SORBS2: variants seen among roughly 807,000 people sequenced by gnomAD.
The protein encoded by SORBS2 is sorbin and SH3 domain-containing protein 2.
SORBS2 carries 46 observed loss-of-function variants against 97.7 expected under a neutral mutation model. That is an observed-to-expected ratio of 0.47 (90% confidence interval 0.37 to 0.60). The LOEUF (loss-of-function observed/expected upper bound fraction) is 0.60. SORBS2 is among the 20% of genes least tolerant of loss of function. The pLI is 0.00. For missense variants in SORBS2, 1,316 were observed against 1,282.3 expected (o/e 1.03, Z -0.40); for synonymous variants, 476 against 473.4 (o/e 1.01, Z -0.07).
chr4:185,639,877 C>T (rs1458681424), intron 4 of SORBS2, among the ~76,000 whole-genome samples: 1 of 152,088 alleles, frequency 6.6e-6, no homozygotes, highest in East Asian at 1.9e-4. Flanking sequence ...AACTGAATAG[C>T]GACATCTTGG....
At chr4:185,671,864 G>A (rs777018295) in intron 4 of SORBS2, among the ~76,000 whole-genome samples, 2 of 152,232 alleles carry the variant, frequency 1.3e-5, no homozygotes, top group African/African-American at 4.8e-5. Flanking sequence ...TTCATTAAGT[G>A]TATTCAGAAA....
chr4:185,668,018 G>A (rs114760702), intron 4 of SORBS2, among the ~76,000 whole-genome samples: 163 of 152,120 alleles, frequency 1.1e-3, no homozygotes, highest in African/African-American at 3.7e-3. Context: ...CATGTAATAC[G>A]AATCTCTTTT....
In SORBS2 at chr4:185,623,813, G is replaced by A; in HGVS notation, c.1316C>T (p.Thr439Ile). 1 of 1,614,158 alleles carries A rather than the reference G, an allele frequency of 6.2e-7. No individual in the cohort carries two copies. The highest frequency in any genetic ancestry group is 8.5e-7 in the Non-Finnish European group (1 of 1,180,032). Residue 439 changes from threonine (T) to isoleucine (I), a missense_variant, in exon 7 of 15, where the codon ACC becomes ATC. Coordinates refer to ENST00000418609, the Ensembl canonical transcript of SORBS2. The surrounding 1 kb of genome is among the most constrained non-coding windows in gnomAD (Gnocchi z 6.4). ...TAGGCCATTTTGCGGTGGTTCTAGGGTTACGGGAGACAGCATGTCATCCCC... is the reference window on the plus strand; with the variant it reads ...TAGGCCATTTTGCGGTGGTTCTAGGATTACGGGAGACAGCATGTCATCCCC...
intron 4 of SORBS2, among the ~76,000 whole-genome samples, chr4:185,663,954 A>G (rs112455125): frequency 2.2e-4 from 31 of 140,214 alleles, no homozygotes; most frequent in African/African-American, 7.5e-4. Context: ...TCCCGGGTTC[A>G]TGTCATTCTC....
intron 1 of SORBS2, among the ~76,000 whole-genome samples, chr4:185,790,199 T>C (rs968939391): frequency 6.6e-6 from 1 of 152,076 alleles, no homozygotes; most frequent in African/African-American, 2.4e-5. Flanking sequence ...ACATTTGCTA[T>C]GAAAAAAAAT....
chr4:185,678,759 A>T, intron 3 of SORBS2, 37 bp downstream of exon 6: 2 of 1,379,078 alleles, frequency 1.5e-6, no homozygotes, highest in East Asian at 2.6e-5. Context: ...AAAAGTCACA[A>T]ATAATATAAT....
intron 1 of SORBS2, among the ~76,000 whole-genome samples, chr4:185,863,032 G>C (rs920745923): frequency 6.6e-6 from 1 of 152,218 alleles, no homozygotes; most frequent in African/African-American, 2.4e-5. Flanking sequence ...CGCCAGGCCA[G>C]TGGAGAGGTG....
intron 1 of SORBS2, among the ~76,000 whole-genome samples, chr4:185,833,525 C>A (rs543592821): frequency 1.7e-3 from 254 of 152,198 alleles, no homozygotes; most frequent in African/African-American, 5.8e-3. Context: ...CTTAAACACA[C>A]TTTTTAAATG....
At chr4:185,617,578 A>G (rs2096648235) in intron 9 of SORBS2, among the ~76,000 whole-genome samples, 1 of 152,198 alleles carries the variant, frequency 6.6e-6, no homozygotes, top group African/African-American at 2.4e-5. Flanking sequence ...ATGACAATTT[A>G]CAATGAATTC....
chr4:185,616,220 G>A (rs539262634), intron 9 of SORBS2, among the ~76,000 whole-genome samples: 4 of 152,070 alleles, frequency 2.6e-5, no homozygotes, highest in Non-Finnish European at 4.4e-5. Flanking sequence ...AGTATAGGCC[G>A]TTTGATGGAG....
chr4:185,635,159 A>G (rs2096973882), intron 4 of SORBS2, among the ~76,000 whole-genome samples, 196 bp downstream of exon 16: 1 of 152,218 alleles, frequency 6.6e-6, no homozygotes, highest in Non-Finnish European at 1.5e-5. Context: ...CTTCACCCAG[A>G]GTCCAGAGAT....
At chr4:185,754,805 T>C (rs1035581254) in intron 2 of SORBS2, among the ~76,000 whole-genome samples, 3 of 152,204 alleles carry the variant, frequency 2.0e-5, no homozygotes, top group Non-Finnish European at 2.9e-5. Context: ...TGAGTCCAGC[T>C]GTTAGCTGAG....
chr4:185,809,776 G>A (rs1247873016), intron 1 of SORBS2, among the ~76,000 whole-genome samples: 1 of 152,112 alleles, frequency 6.6e-6, no homozygotes. Flanking sequence ...TCCTCCCGTG[G>A]GCTAAGGGTC....
At position 185,607,034 on chromosome 4, in the gene SORBS2, G is replaced by A. The variant is rs149210294; in HGVS notation, c.2796+4746C>T. 3.4e-5 allele frequency: 35 copies of A among 1,021,466 alleles called. No individual in the cohort carries two copies. The African/African-American group carries it at 5.9e-4, about 17-fold the overall frequency. 63.3% of individuals were successfully genotyped at this position (1,021,466 alleles called of 1,614,324 possible). ...GCTGCAGCCGAGGCCACACCCGCGT[G>A]AGTGGAAGGTGATTCGGCAGGTGCA... On this transcript the variant is annotated intron_variant, in intron 12 of 14. Coordinates refer to ENST00000418609, the Ensembl canonical transcript of SORBS2. The surrounding 1 kb of genome is among the most constrained non-coding windows in gnomAD (Gnocchi z 5.2).
At chr4:185,808,425 AT>A (rs2153664660) in intron 1 of SORBS2, among the ~76,000 whole-genome samples, 1 of 152,310 alleles carries the variant, frequency 6.6e-6, no homozygotes, top group Non-Finnish European at 1.5e-5. Context: ...TAATAAAACT[AT>A]GGGTACATTC....
intron 1 of SORBS2, among the ~76,000 whole-genome samples, chr4:185,928,745 A>T (rs1445887205): frequency 6.6e-6 from 1 of 152,036 alleles, no homozygotes; most frequent in African/African-American, 2.4e-5. Flanking sequence ...ACGGGGTTTC[A>T]CCGTGTTAGC....
chr4:185,723,455 C>T (rs115788807), intron 2 of SORBS2, among the ~76,000 whole-genome samples: 7 of 152,150 alleles, frequency 4.6e-5, no homozygotes, highest in East Asian at 1.9e-4. Flanking sequence ...CCATGAGGTT[C>T]GTGAGAAAAT....
Position 185,767,908 on chromosome 4 carries a change from A to G in SORBS2, c.-198+7319T>C, listed in dbSNP as rs569713585. Among the ~76,000 whole-genome samples the G allele has an allele frequency of 9.2e-5, 14 of 152,314 alleles. No homozygotes were observed. The South Asian group carries it at 2.9e-3, about 32-fold the overall frequency. On this transcript the variant is annotated intron_variant, in intron 2 of 20. Transcript: ENST00000284776. ...CAATGCACCTTCCCAGGGGCTTTGC[A>G]TGGGACCTAAATATTCTTTGAGTCC...
intron 2 of SORBS2, among the ~76,000 whole-genome samples, chr4:185,713,789 T>C (rs1453235869): frequency 6.6e-6 from 1 of 152,220 alleles, no homozygotes; most frequent in East Asian, 1.9e-4. Flanking sequence ...TATCATTTAG[T>C]TTCCCACTGT....
Sources: allele counts gnomAD v4.1 joint callset (sites outside exome capture counted in the v4.1 genomes callset), GRCh38; gene constraint gnomAD v4.1.1; non-coding constraint Gnocchi (gnomAD v3.1); transcripts MANE v1.5; gene names NCBI Gene and HGNC (gene_info 2026-07-23, HGNC 2026-07-21).